The following SETX variants were observed in gnomAD, a reference collection of about 807,000 sequenced individuals.
The protein encoded by SETX is senataxin.
In SETX, 90 loss-of-function variants were observed where a neutral mutation model predicts 227.2. The ratio of observed to expected loss-of-function variants is 0.40; its 90% CI spans 0.33 to 0.47. The LOEUF is 0.47. SETX is among the 20% of genes least tolerant of loss of function. SETX has a pLI of 0.91. For synonymous variants in SETX, 1,210 were observed against 1,113.2 expected, an observed-to-expected ratio of 1.09 and a Z score of -1.73; for missense variants, 3,052 against 3,181.5, an observed-to-expected ratio of 0.96 and a Z score of 0.98.
intron 10 of SETX, among the ~76,000 whole-genome samples, chr9:132,312,851 T>C (rs760021166): frequency 1.3e-5 from 2 of 152,208 alleles, no homozygotes; most frequent in African/African-American, 2.4e-5. Context: ...TGTCCATCAG[T>C]TGGTGAATGC....
intron 23 of SETX, among the ~76,000 whole-genome samples, chr9:132,274,104 C>T (rs1843032777): frequency 6.6e-6 from 1 of 151,974 alleles, no homozygotes; most frequent in Non-Finnish European, 1.5e-5. Context: ...TTGAAGCAAT[C>T]TTGCATTCCT....
chr9:132,349,577 T>A, intron 2 of SETX, 142 bp from the exon 3 acceptor site: 1 of 786,646 alleles, frequency 1.3e-6, no homozygotes, highest in Non-Finnish European at 2.1e-6. Flanking sequence ...GGCTGGCTTA[T>A]CAATCACTGA....
chr9:132,263,799 T>A lies in SETX; in HGVS notation c.*440A>T. 5.4e-6 allele frequency: 1 copy of A among 185,510 alleles called. No individual in the cohort carries two copies. The highest frequency in any genetic ancestry group is 9.3e-5 in the South Asian group (1 of 10,772). The allele number at this position is 185,510 out of a possible 1,614,324, so 11.5% of individuals were successfully genotyped here. On this transcript the variant is annotated 3_prime_UTR_variant, in exon 26 of 26. Transcript: ENST00000224140. ...TAACAATGGTTGAAAGGACCCGCCC[T>A]CCTCCCATCTTTTTTTTTTTGGTAA... is the stretch of plus-strand genomic sequence containing the variant.
intron 10 of SETX, among the ~76,000 whole-genome samples, chr9:132,321,881 T>C (rs1490378403): frequency 1.3e-5 from 2 of 152,010 alleles, no homozygotes; most frequent in Admixed American, 6.6e-5. Context: ...AAAAAAGACA[T>C]TGATTGACAT....
intron 1 of SETX, among the ~76,000 whole-genome samples, chr9:132,354,716 G>A (rs1002454172): frequency 9.2e-5 from 14 of 152,046 alleles, no homozygotes; most frequent in South Asian, 2.1e-4. Context: ...CGCGCAGGAA[G>A]GCAACAGGCG....
rs997525238 is a variant in SETX, at chr9:132,276,266, C to T, written c.6935+794G>A. ...GCTCTGCGGCTTAACTCGCAATCCT[C>T]TGCTCTCCTCCAAGAGGCCTCATTA... On this transcript the variant is annotated intron_variant, in intron 22 of 25. Coordinates refer to ENST00000224140, the MANE Select transcript of SETX (RefSeq NM_015046.7). Among the ~76,000 whole-genome samples, 3 of 152,202 alleles carry T rather than the reference C, an allele frequency of 2.0e-5. No individual in the cohort carries two copies. In the East Asian group the frequency reaches 5.8e-4, roughly 29 times the overall value.
chr9:132,288,509 A>G (rs1221024095), intron 16 of SETX, 41 bp downstream of exon 16: 9 of 1,533,482 alleles, frequency 5.9e-6, no homozygotes, highest in African/African-American at 1.4e-5. Context: ...CCACCAAACA[A>G]AACAGAGAAA....
In SETX at chr9:132,331,460, T is replaced by C; in HGVS notation, c.839-12A>G. The C allele has an allele frequency of 6.2e-7, 1 of 1,613,140 alleles. No individual in the cohort carries two copies. Among genetic ancestry groups the C allele is most frequent in the Non-Finnish European group, 8.5e-7 (1 of 1,179,494 alleles). On this transcript the variant is annotated splice_polypyrimidine_tract_variant and intron_variant, in intron 7 of 25. Coordinates refer to ENST00000224140, the MANE Select transcript of SETX (RefSeq NM_015046.7). The stretch of plus-strand genomic sequence containing the variant: ...ATCCACACTATCATCTGAAATACAA[T>C]GGCACAATCGTTGAATTACTAAACA...
At chr9:132,346,570 T>C in intron 3 of SETX, 99 bp from the exon 4 acceptor site, 2 of 839,502 alleles carry the variant, frequency 2.4e-6, no homozygotes, top group Non-Finnish European at 1.9e-6. Flanking sequence ...GTACAAAAAT[T>C]CTGAAATGTA....
At chr9:132,284,234 C>T (rs1843705490) in intron 18 of SETX, among the ~76,000 whole-genome samples, 1 of 152,196 alleles carries the variant, frequency 6.6e-6, no homozygotes, top group Admixed American at 6.5e-5. Context: ...TCATGGCCCA[C>T]AGAACACATG....
At chr9:132,292,625 A>G (rs998736673) in intron 15 of SETX, among the ~76,000 whole-genome samples, 4 of 125,234 alleles carry the variant, frequency 3.2e-5, no homozygotes, top group African/African-American at 1.2e-4. Context: ...TTCCCAACTC[A>G]TTTTTTTTTT....
chr9:132,266,921 G>A (rs1842679362), intron 25 of SETX, among the ~76,000 whole-genome samples: 1 of 152,226 alleles, frequency 6.6e-6, no homozygotes, highest in African/African-American at 2.4e-5. Context: ...TATGGATTGG[G>A]AAGTGATTCA....
At chr9:132,268,818 C>T (rs1331805508) in intron 25 of SETX, among the ~76,000 whole-genome samples, 2 of 152,140 alleles carry the variant, frequency 1.3e-5, no homozygotes, top group African/African-American at 2.4e-5. Flanking sequence ...TAAAAATAAA[C>T]GGTACACAGC....
intron 11 of SETX, among the ~76,000 whole-genome samples, chr9:132,305,278 C>T (rs7047708): frequency 0.14 from 20,709 of 143,148 alleles, 2,062 homozygotes; most frequent in East Asian, 0.45. Context: ...GGCGTGAACC[C>T]GGGAGGTGGA....
chr9:132,327,108 A>T lies in SETX; in HGVS notation c.4490T>A (p.Phe1497Tyr). 1 of 1,614,190 alleles carries T rather than the reference A, an allele frequency of 6.2e-7. No individual in the cohort carries two copies. Among genetic ancestry groups the T allele is most frequent in the Non-Finnish European group, 8.5e-7 (1 of 1,180,042 alleles). Residue 1497 changes from phenylalanine to tyrosine, a missense_variant, in exon 10 of 26, where the codon TTT (phenylalanine) becomes TAT (tyrosine). Coordinates refer to ENST00000224140, the MANE Select transcript of SETX (RefSeq NM_015046.7). ...SSSDAEEDNL[F>Y]LTQNDPEDMD... is the part of the protein sequence containing the mutation. ...ATCTTCAGGATCATTTTGGGTTAAA[A>T]ATAAGTTATCTTCCTCTGCATCACT...
chr9:132,333,919 A>T (rs1258699101), intron 7 of SETX, among the ~76,000 whole-genome samples: 4 of 152,146 alleles, frequency 2.6e-5, no homozygotes, highest in African/African-American at 7.2e-5. Context: ...ACTTAAATTT[A>T]TTTTAATAAT....
rs199869333 is a variant in SETX at position 132,328,994 on chromosome 9, T to C, written c.2604A>G (p.Gln868=). 11 of 1,606,994 alleles carry C rather than the reference T, an allele frequency of 6.8e-6. No homozygotes were observed. The highest frequency in any genetic ancestry group is 9.3e-6 in the Non-Finnish European group (11 of 1,177,452). ...AAATAACTAATTCTTCATTCTTTAA[T>C]TGTTTCTCTTTTGGCAATACATTGT... The part of the protein sequence containing the change: ...SQNNVLPKEK[Q]LKNEELVIFS... Residue 868 remains glutamine, a synonymous_variant, in exon 10 of 26, where the codon CAA becomes CAG. Coordinates refer to ENST00000224140, the MANE Select transcript of SETX (RefSeq NM_015046.7).
rs1286019746 is a variant in SETX at position 132,328,308 on chromosome 9, G to A, written c.3290C>T (p.Pro1097Leu). Residue 1097 changes from proline to leucine, a missense_variant, in exon 10 of 26, where the codon CCA becomes CTA. Pro to Leu is a moderately conservative substitution (Grantham distance 98, BLOSUM62 -3). Coordinates refer to ENST00000224140, the MANE Select transcript of SETX (RefSeq NM_015046.7). The stretch of plus-strand genomic sequence containing the variant: ...ATCTTGAACTGAATTATTATCGTCT[G>A]GATGATCTTGCCAAACTGAAAACAC... ...SEVFSVWQDH[P>L]DDNNSVQDGE... 5 of 1,613,956 alleles carry A rather than the reference G, an allele frequency of 3.1e-6. No individual in the cohort carries two copies. Among genetic ancestry groups the A allele is most frequent in the Non-Finnish European group, 4.2e-6 (5 of 1,179,996 alleles).
rs67558000 is a variant in SETX, at chr9:132,278,437, C to CTTTT, written c.6655-184_6655-181dup. Among the ~76,000 whole-genome samples, 267 of 84,830 alleles carry CTTTT rather than the reference C, an allele frequency of 3.1e-3. 32 individuals are homozygous for CTTTT. Among genetic ancestry groups the CTTTT allele is most frequent in the Non-Finnish European group, 5.0e-3 (200 of 40,162 alleles). 55.7% of individuals were successfully genotyped at this position (84,830 alleles called of 152,430 possible). A position where few individuals can be genotyped will look rare whatever the true frequency, so the allele number is the denominator to read the frequency against. ...CTCTGAGCCTCAAAATGCCATGAAT[C>CTTTT]TTTTTTTTTTTTTTTTTTTTTTTTT... On this transcript the variant is annotated intron_variant, in intron 20 of 25. Coordinates refer to ENST00000224140, the MANE Select transcript of SETX (RefSeq NM_015046.7).
Sources: gnomAD v4.1 joint callset for allele counts (sites outside exome capture counted in the v4.1 genomes callset) on GRCh38, gnomAD v4.1.1 for gene constraint, MANE v1.5 for transcripts, NCBI Gene and HGNC (gene_info 2026-07-23, HGNC 2026-07-21) for gene names.